Variants in DCDC1 observed in about 807,000 individuals in gnomAD.
The protein encoded by DCDC1 is doublecortin domain-containing protein 1.
In DCDC1, 200 loss-of-function variants were observed where a neutral mutation model predicts 178.3. The observed-to-expected ratio is 1.12, with a 90% CI of 1.00 to 1.26. The LOEUF is 1.26. Ranked by LOEUF, DCDC1 falls within the 50% of genes most tolerant of loss-of-function variation. The pLI is 0.00. For synonymous variants in DCDC1, 690 were observed against 604.8 expected (o/e 1.14, Z -2.07); for missense variants, 1,983 against 1,749.2 (o/e 1.13, Z -2.38).
intron 8 of DCDC1, among the ~76,000 whole-genome samples, chr11:31,252,225 G>A (rs1323935328): frequency 1.3e-5 from 2 of 152,064 alleles, no homozygotes; most frequent in African/African-American, 4.8e-5. Context: ...CTTGGACAAG[G>A]TAAAGTTGGA....
At chr11:30,987,061 G>C (rs909521906) in intron 20 of DCDC1, among the ~76,000 whole-genome samples, 5 of 152,096 alleles carry the variant, frequency 3.3e-5, no homozygotes, top group African/African-American at 1.2e-4. Flanking sequence ...CTGTTGCCCA[G>C]GCTGGAGTGC....
chr11:31,027,751 A>T (rs111710420), intron 20 of DCDC1, among the ~76,000 whole-genome samples: 4 of 152,066 alleles, frequency 2.6e-5, no homozygotes, highest in East Asian at 1.9e-4. Context: ...TGTAGATGGT[A>T]GAAAATAGCT....
chr11:31,367,345 A>T (rs1417930710), intron 1 of DCDC1, among the ~76,000 whole-genome samples: 4 of 152,254 alleles, frequency 2.6e-5, no homozygotes. Flanking sequence ...TCAAGCTTTC[A>T]GAAAAGAAGT....
At chr11:31,369,489 C>G (rs912820958) in intron 1 of DCDC1, among the ~76,000 whole-genome samples, 2 of 152,188 alleles carry the variant, frequency 1.3e-5, no homozygotes, top group African/African-American at 2.4e-5. Context: ...GCACCCCTCT[C>G]TCACCCCAGA....
At chr11:31,133,992 C>G (rs761215250) in intron 10 of DCDC1, among the ~76,000 whole-genome samples, 24 of 152,166 alleles carry the variant, frequency 1.6e-4, no homozygotes, top group Non-Finnish European at 2.8e-4. Context: ...CGTGAGCCAC[C>G]ACGCCTGGCC....
intron 20 of DCDC1, among the ~76,000 whole-genome samples, chr11:31,003,271 T>C (rs959857057): frequency 6.6e-6 from 1 of 152,144 alleles, no homozygotes; most frequent in Non-Finnish European, 1.5e-5. Flanking sequence ...TTAATATGAT[T>C]GTTGTTGCAG....
intron 4 of DCDC1, among the ~76,000 whole-genome samples, chr11:31,306,686 AAT>A (rs1022542485): frequency 2.0e-5 from 3 of 151,606 alleles, no homozygotes; most frequent in Admixed American, 6.6e-5. Context: ...GTCCTTTTAA[AAT>A]ATATATATAT....
chr11:30,906,636 T>A lies in DCDC1; in HGVS notation c.4008A>T (p.Lys1336Asn), dbSNP rs947119417. The A allele has an allele frequency of 1.6e-5, 26 of 1,613,518 alleles. No individual in the cohort carries two copies. Among genetic ancestry groups the A allele is most frequent in the Non-Finnish European group, 2.1e-5 (25 of 1,179,748 alleles). Residue 1336 changes from lysine to asparagine, a missense_variant, in exon 30 of 39, where the codon AAA (lysine) becomes AAT (asparagine). Physicochemically the swap from Lys to Asn is moderately conservative, Grantham distance 94. Coordinates refer to ENST00000684477, the MANE Select transcript of DCDC1 (RefSeq NM_001387274.1). The part of the protein sequence containing the change: ...GQSMRTEKGL[K>N]QLLPGVPFLC... ...GGAATGGAACCCCTGGAAGCAATTGTTTCAGTCCTTTCTCTGTTCTCATGG... is the reference window on the plus strand; with the variant it reads ...GGAATGGAACCCCTGGAAGCAATTGATTCAGTCCTTTCTCTGTTCTCATGG...
intron 9 of DCDC1, among the ~76,000 whole-genome samples, chr11:31,157,698 G>A (rs1450759442): frequency 6.6e-6 from 1 of 151,990 alleles, no homozygotes; most frequent in South Asian, 2.1e-4. Context: ...GGCAAATGGA[G>A]GCTTAGAACT....
In DCDC1 at chr11:31,241,592, T is replaced by C. The variant is rs1977140195; in HGVS notation, c.1079A>G (p.Gln360Arg). The change falls in exon 9 of 39, where the codon CAA becomes CGA. Residue 360 changes from glutamine to arginine, a missense_variant. Physicochemically the swap from Gln to Arg is conservative, Grantham distance 43 (BLOSUM62 1). Coordinates refer to ENST00000684477, the MANE Select transcript of DCDC1 (RefSeq NM_001387274.1). The stretch of plus-strand genomic sequence containing the variant: ...TCCTCGCAAAGGTGTGATGGAATTT[T>C]GCAGGCATTTTTCAAGCAGAGGAAC... ...SKVPLLEKCL[Q>R]NSITPLRGLL... The C allele has an allele frequency of 1.0e-5, 4 of 397,298 alleles. No homozygotes were observed. The highest frequency in any genetic ancestry group is 8.2e-5 in the African/African-American group (4 of 48,492). The allele number at this position is 397,298 out of a possible 1,614,324, so 24.6% of individuals were successfully genotyped here.
intron 6 of DCDC1, among the ~76,000 whole-genome samples, chr11:31,294,216 G>A (rs1203161231): frequency 6.6e-6 from 1 of 151,990 alleles, no homozygotes; most frequent in Non-Finnish European, 1.5e-5. Flanking sequence ...AAATCTGGGG[G>A]AAAGGTATTC....
intron 27 of DCDC1, among the ~76,000 whole-genome samples, chr11:30,914,637 A>ACC (rs1945697850): frequency 6.8e-6 from 1 of 148,112 alleles, no homozygotes; most frequent in African/African-American, 2.5e-5. Context: ...GCACCCAAAA[A>ACC]AAAAAAAAAA....
At chr11:31,224,150 G>T (rs569381312) in intron 9 of DCDC1, among the ~76,000 whole-genome samples, 1 of 152,058 alleles carries the variant, frequency 6.6e-6, no homozygotes, top group Non-Finnish European at 1.5e-5. Flanking sequence ...ATGTGAAACT[G>T]TAAGTTCAAT....
chr11:31,208,465 A>G (rs1415720565), intron 9 of DCDC1, among the ~76,000 whole-genome samples: 1 of 152,202 alleles, frequency 6.6e-6, no homozygotes. Context: ...ACTGGATAAA[A>G]TTCAACAGCC....
At chr11:30,907,461 G>A (rs1175451033) in intron 29 of DCDC1, among the ~76,000 whole-genome samples, 1 of 152,080 alleles carries the variant, frequency 6.6e-6, no homozygotes, top group Non-Finnish European at 1.5e-5. Flanking sequence ...TCTGGGAAAG[G>A]CCATGTGACT....
chr11:31,072,460 T>C (rs941903534), intron 18 of DCDC1, among the ~76,000 whole-genome samples: 2 of 152,146 alleles, frequency 1.3e-5, no homozygotes, highest in Non-Finnish European at 2.9e-5. Context: ...AAGTCATTAG[T>C]TTTTCCCTGT....
At chr11:31,253,386 T>C (rs1277921173) in intron 8 of DCDC1, among the ~76,000 whole-genome samples, 1 of 151,026 alleles carries the variant, frequency 6.6e-6, no homozygotes, top group Non-Finnish European at 1.5e-5. Flanking sequence ...AGATGGAGTC[T>C]TGCTCTGTCA....
At chr11:30,904,806 T>C in intron 31 of DCDC1, 155 bp downstream of exon 31, 1 of 828,332 alleles carries the variant, frequency 1.2e-6, no homozygotes, top group Non-Finnish European at 1.9e-6. Context: ...AAATAAAATG[T>C]CTTTAAGTAA....
At chr11:30,953,247 A>T (rs1034265694) in intron 20 of DCDC1, among the ~76,000 whole-genome samples, 1 of 148,696 alleles carries the variant, frequency 6.7e-6, no homozygotes, top group Non-Finnish European at 1.5e-5. Flanking sequence ...TATATTAATT[A>T]TATAGTAATT....
Sources: gnomAD v4.1 joint callset for allele counts (sites outside exome capture counted in the v4.1 genomes callset) on GRCh38, gnomAD v4.1.1 for gene constraint, MANE v1.5 for transcripts, NCBI Gene and HGNC (gene_info 2026-07-23, HGNC 2026-07-21) for gene names.